The following HCN1 variants were observed in gnomAD, a reference collection of about 807,000 sequenced individuals.
HCN1 encodes the protein hyperpolarization activated cyclic nucleotide gated potassium channel 1.
In HCN1, 13 loss-of-function variants were observed where a neutral mutation model predicts 78.9. The observed-to-expected ratio is 0.16, with a 90% CI of 0.11 to 0.26. The LOEUF (loss-of-function observed/expected upper bound fraction) is 0.26. HCN1 is among the 10% of genes least tolerant of loss of function. HCN1 has a pLI of 1.00. For synonymous variants in HCN1, 552 were observed against 455.5 expected (o/e 1.21, Z -2.70); for missense variants, 810 against 1,154.3 (o/e 0.70, Z 4.32).
chr5:45,324,545 T>C (rs1746197951), intron 5 of HCN1, among the ~76,000 whole-genome samples: 1 of 151,924 alleles, frequency 6.6e-6, no homozygotes, highest in African/African-American at 2.4e-5. Flanking sequence ...ACTTTTACAC[T>C]GTTGGTGGGA....
rs1222510019 is a variant in HCN1 at position 45,349,394 on chromosome 5, A to G, written c.1377+3706T>C. ...AAGTAGTGTGTAGAGGGAAATTCAT[A>G]GCACTAAATGCCCACAAGAGAAAGC... On this transcript the variant is annotated intron_variant, in intron 5 of 7. Coordinates refer to ENST00000303230, the MANE Select transcript of HCN1 (RefSeq NM_021072.4). Among the ~76,000 whole-genome samples the G allele has an allele frequency of 5.9e-5, 9 of 152,230 alleles. No individual in the cohort carries two copies. In the East Asian group the frequency reaches 9.6e-4, roughly 16 times the overall value.
intron 6 of HCN1, among the ~76,000 whole-genome samples, chr5:45,281,524 G>A (rs1745163827): frequency 6.8e-6 from 1 of 146,036 alleles, no homozygotes; most frequent in Admixed American, 7.0e-5. Context: ...CATATGTGCA[G>A]ACAAAAAAGT....
chr5:45,595,737 A>ATTAATTGACT (rs1744478195), intron 2 of HCN1, among the ~76,000 whole-genome samples: 1 of 152,102 alleles, frequency 6.6e-6, no homozygotes, highest in East Asian at 1.9e-4. Flanking sequence ...TCTATATGAA[A>ATTAATTGACT]CAATTAAAAA....
At chr5:45,540,306 A>G (rs1364678273) in intron 2 of HCN1, among the ~76,000 whole-genome samples, 1 of 149,180 alleles carries the variant, frequency 6.7e-6, no homozygotes, top group Non-Finnish European at 1.5e-5. Context: ...ATAAAAAAAT[A>G]CTGTCTTACT....
intron 2 of HCN1, among the ~76,000 whole-genome samples, chr5:45,525,158 T>A (rs1193858685): frequency 6.6e-6 from 1 of 152,146 alleles, no homozygotes; most frequent in African/African-American, 2.4e-5. Flanking sequence ...TGGATTACAT[T>A]TATTGATTTG....
rs1741663191 is a variant in HCN1 at position 45,481,979 on chromosome 5, A to C, written c.850-19972T>G. On this transcript the variant is annotated intron_variant, in intron 2 of 7. Coordinates refer to ENST00000303230, the MANE Select transcript of HCN1 (RefSeq NM_021072.4). ...CCTAAAAGAAAAACAAACAAAAAAAACAAACAAAAACAAATGTAGTTGGGT... is the reference window on the plus strand; with the variant it reads ...CCTAAAAGAAAAACAAACAAAAAAACCAAACAAAAACAAATGTAGTTGGGT... Among the ~76,000 whole-genome samples the C allele has an allele frequency of 4.0e-5, 6 of 150,238 alleles. No individual in the cohort carries two copies. In the South Asian group the frequency reaches 1.1e-3, roughly 26 times the overall value.
intron 5 of HCN1, among the ~76,000 whole-genome samples, chr5:45,312,144 C>G (rs765481092): frequency 9.2e-5 from 14 of 152,192 alleles, no homozygotes; most frequent in Non-Finnish European, 1.6e-4. Context: ...TCTTCTAAAA[C>G]ATTCAAGCAC....
intron 2 of HCN1, among the ~76,000 whole-genome samples, chr5:45,607,292 C>T (rs547033231): frequency 4.0e-5 from 6 of 151,558 alleles, no homozygotes; most frequent in African/African-American, 1.4e-4. Context: ...GAGAATAGAA[C>T]AAGAAGGGTA....
intron 5 of HCN1, among the ~76,000 whole-genome samples, chr5:45,311,850 C>A (rs1356349850): frequency 6.6e-6 from 1 of 152,324 alleles, no homozygotes; most frequent in South Asian, 2.1e-4. Context: ...GGAATTTTCA[C>A]CCTCAAAGTT....
At chr5:45,497,112 T>C (rs2111719516) in intron 2 of HCN1, among the ~76,000 whole-genome samples, 1 of 152,288 alleles carries the variant, frequency 6.6e-6, no homozygotes, top group East Asian at 1.9e-4. Context: ...GAGGAGATCT[T>C]TACTTCCAAG....
At chr5:45,431,022 A>G (rs1023021596) in intron 3 of HCN1, among the ~76,000 whole-genome samples, 1 of 152,286 alleles carries the variant, frequency 6.6e-6, no homozygotes, top group East Asian at 1.9e-4. Flanking sequence ...GAATTGCTAC[A>G]CTGCTTTCCA....
chr5:45,323,328 T>C (rs1187066645), intron 5 of HCN1, among the ~76,000 whole-genome samples: 2 of 151,884 alleles, frequency 1.3e-5, no homozygotes, highest in African/African-American at 4.8e-5. Flanking sequence ...GTTAACAAAT[T>C]TATTACACTT....
At position 45,275,337 on chromosome 5, in the gene HCN1, C is replaced by T. The variant is rs117759435; in HGVS notation, c.1619-8084G>A. On this transcript the variant is annotated intron_variant, in intron 6 of 7. Transcript: ENST00000303230. Reference sequence around the variant, plus strand: ...AATATTCTTCATAAAACAAGGTGCTCACATTTGAATACAATATACCAAATA... The same window carrying T: ...AATATTCTTCATAAAACAAGGTGCTTACATTTGAATACAATATACCAAATA... Among the ~76,000 whole-genome samples, 140 of 152,026 alleles carry T rather than the reference C, an allele frequency of 9.2e-4. 1 individual carries two copies. The East Asian group carries it at 0.025, about 27-fold the overall frequency.
chr5:45,373,219 A>G (rs1747467710), intron 4 of HCN1, among the ~76,000 whole-genome samples: 1 of 122,092 alleles, frequency 8.2e-6, no homozygotes, highest in African/African-American at 3.2e-5. Flanking sequence ...TATGTTATAT[A>G]TAATATATAT....
intron 2 of HCN1, among the ~76,000 whole-genome samples, chr5:45,467,451 C>G (rs1297078015): frequency 6.6e-6 from 1 of 152,070 alleles, no homozygotes. Flanking sequence ...TGCCACACAT[C>G]TCCATTTATT....
chr5:45,408,716 T>C (rs1561143658), intron 3 of HCN1, among the ~76,000 whole-genome samples: 1 of 152,206 alleles, frequency 6.6e-6, no homozygotes, highest in Non-Finnish European at 1.5e-5. Context: ...ATGATCATTC[T>C]CAAATTAGTA....
chr5:45,512,533 T>C (rs1257158724), intron 2 of HCN1, among the ~76,000 whole-genome samples: 3 of 152,122 alleles, frequency 2.0e-5, no homozygotes, highest in African/African-American at 7.2e-5. Context: ...AATTTAAATA[T>C]AGATTACATA....
chr5:45,479,863 C>T (rs1741610026), intron 2 of HCN1, among the ~76,000 whole-genome samples: 1 of 152,146 alleles, frequency 6.6e-6, no homozygotes, highest in African/African-American at 2.4e-5. Flanking sequence ...ATATTTTTAA[C>T]TAATCATTTC....
At chr5:45,493,965 GTA>G (rs1339203653) in intron 2 of HCN1, among the ~76,000 whole-genome samples, 2 of 152,302 alleles carry the variant, frequency 1.3e-5, no homozygotes, top group Non-Finnish European at 2.9e-5. Context: ...ATTCCATGGT[GTA>G]TATGTTTCAC....
Sources: gnomAD v4.1 joint callset for allele counts (sites outside exome capture counted in the v4.1 genomes callset) on GRCh38, gnomAD v4.1.1 for gene constraint, MANE v1.5 for transcripts, NCBI Gene and HGNC (gene_info 2026-07-23, HGNC 2026-07-21) for gene names.